Variants in TENM1 observed in about 807,000 individuals in gnomAD.
The protein encoded by TENM1 is teneurin-1.
In TENM1, 35 loss-of-function variants were observed where a neutral mutation model predicts 174.8. That is an observed-to-expected ratio of 0.20 (90% confidence interval 0.15 to 0.27). The LOEUF is 0.27. Ranked by LOEUF, TENM1 falls within the 10% of genes least tolerant of loss-of-function variation. TENM1 has a pLI of 1.00. For synonymous variants in TENM1, 781 were observed against 798.7 expected, an observed-to-expected ratio of 0.98 and a Z score of 0.37; for missense variants, 1,633 against 2,130.1, an observed-to-expected ratio of 0.77 and a Z score of 4.59.
intron 14 of TENM1, among the ~76,000 whole-genome samples, chrX:124,552,063 G>T (rs2048585596): frequency 8.9e-6 from 1 of 112,154 alleles, no homozygotes; most frequent in African/African-American, 3.2e-5. Context: ...TAATACTACA[G>T]AAACTTTTCA....
intron 1 of TENM1, among the ~76,000 whole-genome samples, chrX:124,922,517 A>G (rs973727551): frequency 9.0e-6 from 1 of 110,626 alleles, no homozygotes; most frequent in African/African-American, 3.3e-5. Flanking sequence ...ATATATCTAT[A>G]TATTCTTTTT....
At chrX:124,705,912 T>C (rs1233309176) in intron 4 of TENM1, among the ~76,000 whole-genome samples, 1 of 111,775 alleles carries the variant, frequency 8.9e-6, no homozygotes, top group East Asian at 2.8e-4. Context: ...GTTTGTTTGT[T>C]TGGTTTTGTT....
chrX:124,588,337 T>G (rs1201898714), intron 11 of TENM1, among the ~76,000 whole-genome samples: 2 of 111,807 alleles, frequency 1.8e-5, no homozygotes, highest in Non-Finnish European at 3.8e-5. Context: ...GTGGCACATA[T>G]ATGCCATGGA....
chrX:125,118,686 G>A, the TENM1 span, among the ~76,000 whole-genome samples: 1 of 111,846 alleles, frequency 8.9e-6, no homozygotes, highest in Middle Eastern at 4.6e-3. Flanking sequence ...TTAGTTATTA[G>A]TGAAATGAAA....
At chrX:124,722,839 CAAAAAA>C (rs761441453) in intron 4 of TENM1, among the ~76,000 whole-genome samples, 1 of 24,761 alleles carries the variant, frequency 4.0e-5, no homozygotes, top group African/African-American at 1.4e-4. Context: ...GACTCCGTCT[CAAAAAA>C]AAAAAAAAAA....
At chrX:124,588,156 A>G (rs1258444586) in intron 11 of TENM1, among the ~76,000 whole-genome samples, 5 of 111,628 alleles carry the variant, frequency 4.5e-5, no homozygotes, top group Admixed American at 9.5e-5. Flanking sequence ...ATCTAGAACT[A>G]GAAATACCAT....
chrX:124,523,262 A>T, intron 17 of TENM1, 102 bp downstream of exon 20: 1 of 896,847 alleles, frequency 1.1e-6, no homozygotes, highest in East Asian at 3.1e-5. Flanking sequence ...GCAGCACATT[A>T]TAAGGATGGT....
intron 18 of TENM1, among the ~76,000 whole-genome samples, chrX:124,504,075 TAGG>T (rs1201662671): frequency 8.9e-6 from 1 of 111,892 alleles, no homozygotes; most frequent in East Asian, 2.8e-4. Context: ...TCTGCCTTTG[TAGG>T]AGAAGTGCAG....
the TENM1 span, among the ~76,000 whole-genome samples, chrX:125,015,241 T>TA: frequency 2.8e-3 from 313 of 111,082 alleles, 1 homozygote; most frequent in African/African-American, 9.8e-3. Flanking sequence ...CTATTTATAC[T>TA]AAAAAAAATT....
chrX:124,453,229 A>G (rs1603272850), intron 23 of TENM1, 108 bp downstream of exon 26: 1 of 802,313 alleles, frequency 1.2e-6, no homozygotes, highest in African/African-American at 2.0e-5. Context: ...ATCTGGTGTT[A>G]TAACAGATAT....
At chrX:124,891,290 T>C (rs918013642) in intron 3 of TENM1, among the ~76,000 whole-genome samples, 1 of 111,440 alleles carries the variant, frequency 9.0e-6, no homozygotes, top group Admixed American at 9.5e-5. Context: ...TTAAAATAAC[T>C]AAAATATTGG....
At chrX:124,453,037 T>C (rs1016392136) in intron 23 of TENM1, among the ~76,000 whole-genome samples, 51 of 111,701 alleles carry the variant, frequency 4.6e-4, no homozygotes, top group African/African-American at 1.6e-3. Context: ...GAATTACTTA[T>C]CTTGGAAATA....
At chrX:124,798,196 A>G (rs2055353070) in intron 3 of TENM1, among the ~76,000 whole-genome samples, 1 of 111,800 alleles carries the variant, frequency 8.9e-6, no homozygotes, top group African/African-American at 3.3e-5. Context: ...TAATCCTTGT[A>G]GTATATAACC....
exon 31 of TENM1, chrX:124,382,790 T>C: frequency 1.7e-6 from 2 of 1,201,357 alleles, no homozygotes; most frequent in South Asian, 3.7e-5. Flanking sequence ...GGAAACCAAA[T>C]AGCTCCAACC....
chrX:124,389,529 A>G (rs1322147268), intron 28 of TENM1, among the ~76,000 whole-genome samples: 1 of 112,040 alleles, frequency 8.9e-6, no homozygotes, highest in Non-Finnish European at 1.9e-5. Context: ...TACATGTTAC[A>G]TGGGATTTTG....
intron 23 of TENM1, among the ~76,000 whole-genome samples, chrX:124,445,369 T>C (rs747288430): frequency 8.9e-6 from 1 of 111,867 alleles, no homozygotes; most frequent in Non-Finnish European, 1.9e-5. Flanking sequence ...GGATTGTTAC[T>C]ACATGGTCAG....
At chrX:124,966,730 A>C (rs910340201), upstream of TENM1, among the ~76,000 whole-genome samples, 1 of 111,230 alleles carries the variant, frequency 9.0e-6, no homozygotes, top group Non-Finnish European at 1.9e-5. Context: ...ACTTATTACC[A>C]AATTACACAC....
chrX:124,511,122 T>A (rs901398775), intron 18 of TENM1, among the ~76,000 whole-genome samples: 2 of 112,382 alleles, frequency 1.8e-5, no homozygotes, highest in Non-Finnish European at 3.8e-5. Context: ...ATATTTCATA[T>A]GTAAGGATGA....
exon 32 of TENM1, chrX:124,380,212 C>G (rs998556789): frequency 5.5e-6 from 1 of 180,228 alleles, no homozygotes; most frequent in African/African-American, 3.0e-5. Context: ...GATAGAGAAC[C>G]TTGGGTTCTT....
Sources: allele counts gnomAD v4.1 joint callset (sites outside exome capture counted in the v4.1 genomes callset), GRCh38; gene constraint gnomAD v4.1.1; transcripts MANE v1.5; gene names NCBI Gene and HGNC (gene_info 2026-07-23, HGNC 2026-07-21).